The following DCUN1D4 variants were observed in gnomAD, a reference collection of about 807,000 sequenced individuals.
The protein encoded by DCUN1D4 is defective in cullin neddylation 1 domain containing 4.
DCUN1D4 carries 22 observed loss-of-function variants against 47.9 expected under a neutral mutation model. The ratio of observed to expected loss-of-function variants is 0.46; its 90% CI spans 0.33 to 0.66. DCUN1D4 has a LOEUF of 0.66. Among genes scored for constraint, DCUN1D4 ranks in the 30% least tolerant of loss-of-function variants. The pLI is 0.02. For synonymous variants in DCUN1D4, 121 were observed against 112.2 expected, an observed-to-expected ratio of 1.08 and a Z score of -0.50; for missense variants, 301 against 340.8, an observed-to-expected ratio of 0.88 and a Z score of 0.92.
intron 8 of DCUN1D4, among the ~76,000 whole-genome samples, chr4:51,904,315 G>T (rs1352461671): frequency 6.6e-6 from 1 of 152,066 alleles, no homozygotes; most frequent in African/African-American, 2.4e-5. Flanking sequence ...ACTGTCCCCA[G>T]CCCTGAATAA....
chr4:51,847,879 A>T (rs1203113783), intron 1 of DCUN1D4, among the ~76,000 whole-genome samples: 1 of 152,162 alleles, frequency 6.6e-6, no homozygotes, highest in Non-Finnish European at 1.5e-5. Flanking sequence ...GTTACATAAC[A>T]ATAGCTGCTT....
Position 51,846,388 on chromosome 4 carries a change from G to A in DCUN1D4, c.25+3121G>A, listed in dbSNP as rs370069002. Reference sequence around the variant, plus strand: ...AGAAGGCCTGCCTCATTTTCTCTTAGTGGACTTCACTCTCTTCTTCCTCTG... The same window carrying A: ...AGAAGGCCTGCCTCATTTTCTCTTAATGGACTTCACTCTCTTCTTCCTCTG... On this transcript the variant is annotated intron_variant, in intron 1 of 10. Coordinates refer to ENST00000334635, the MANE Select transcript of DCUN1D4 (RefSeq NM_001040402.3). Among the ~76,000 whole-genome samples, 6 of 152,170 alleles carry A rather than the reference G, an allele frequency of 3.9e-5. No homozygotes were observed. In the East Asian group the frequency reaches 1.2e-3, roughly 29 times the overall value.
intron 1 of DCUN1D4, among the ~76,000 whole-genome samples, chr4:51,848,911 C>T (rs1232615851): frequency 6.6e-6 from 1 of 151,984 alleles, no homozygotes; most frequent in Non-Finnish European, 1.5e-5. Context: ...AATAGCATTA[C>T]CTGTGGTATG....
At chr4:51,856,877 T>C (rs746979083) in intron 1 of DCUN1D4, among the ~76,000 whole-genome samples, 9 of 152,236 alleles carry the variant, frequency 5.9e-5, no homozygotes, top group Non-Finnish European at 1.2e-4. Flanking sequence ...AGATTCCTCT[T>C]TGGAAGCTGT....
upstream of DCUN1D4, among the ~76,000 whole-genome samples, chr4:51,842,681 G>T (rs766251634): frequency 9.9e-5 from 15 of 152,222 alleles, no homozygotes; most frequent in Non-Finnish European, 2.2e-4. Context: ...GCTAGGGACG[G>T]ACGCATTTCC....
rs577923247 is a variant in DCUN1D4 at position 51,913,666 on chromosome 4, C to T, written c.*82C>T. ...CCATAAATTGCTGTTTGTATCAAAG[C>T]GCATGCTGCTTCTCTTGCACTGTTT... On this transcript the variant is annotated 3_prime_UTR_variant, in exon 11 of 11. Transcript: ENST00000334635. The T allele has an allele frequency of 6.7e-5, 84 of 1,256,704 alleles. No individual in the cohort carries two copies. Among genetic ancestry groups the T allele is most frequent in the South Asian group, 3.7e-4 (29 of 79,266 alleles). The allele number at this position is 1,256,704 out of a possible 1,614,324, so 77.8% of individuals were successfully genotyped here.
At chr4:51,834,368 G>T in the DCUN1D4 span, among the ~76,000 whole-genome samples, 1 of 151,642 alleles carries the variant, frequency 6.6e-6, no homozygotes, top group Non-Finnish European at 1.5e-5. Flanking sequence ...GGGGGTGGTA[G>T]TTTGTGCTCC....
At chr4:51,834,896 A>C in the DCUN1D4 span, among the ~76,000 whole-genome samples, 1 of 152,210 alleles carries the variant, frequency 6.6e-6, no homozygotes, top group Admixed American at 6.5e-5. Context: ...ACTCTTACAT[A>C]TGCCAACTTG....
rs1577797630 is a variant in DCUN1D4, at chr4:51,843,625, C to T, written c.25+358C>T. 11 of 550,234 alleles carry T rather than the reference C, an allele frequency of 2.0e-5. No individual in the cohort carries two copies. The Admixed American group carries it at 8.4e-4, about 42-fold the overall frequency. The allele number at this position is 550,234 out of a possible 1,614,324, so 34.1% of individuals were successfully genotyped here. On this transcript the variant is annotated intron_variant, in intron 1 of 10. Coordinates refer to ENST00000334635, the MANE Select transcript of DCUN1D4 (RefSeq NM_001040402.3). Reference sequence around the variant, plus strand: ...AGCGTTGGGCTGTAGCGGGCAGGGCCGGGGATGTGGGGGGGTGGCACCGGC... The same window carrying T: ...AGCGTTGGGCTGTAGCGGGCAGGGCTGGGGATGTGGGGGGGTGGCACCGGC...
chr4:51,897,416 T>C (rs1020977271), intron 7 of DCUN1D4, among the ~76,000 whole-genome samples: 2 of 152,184 alleles, frequency 1.3e-5, no homozygotes, highest in South Asian at 2.1e-4. Flanking sequence ...ATACAAAATA[T>C]ATTGATAATA....
chr4:51,863,821 G>A (rs1725472476), intron 3 of DCUN1D4, 112 bp downstream of exon 3: 2 of 1,149,814 alleles, frequency 1.7e-6, no homozygotes, highest in Admixed American at 2.6e-5. Context: ...TTAACAAATT[G>A]TTCCTTGGCT....
At chr4:51,862,947 G>A (rs1190601785) in intron 1 of DCUN1D4, among the ~76,000 whole-genome samples, 3 of 152,142 alleles carry the variant, frequency 2.0e-5, no homozygotes, top group Admixed American at 6.5e-5. Flanking sequence ...GGAGTCTGAG[G>A]CTGCAGTGAA....
At chr4:51,861,092 G>T (rs906113153) in intron 1 of DCUN1D4, among the ~76,000 whole-genome samples, 3 of 152,148 alleles carry the variant, frequency 2.0e-5, no homozygotes, top group Admixed American at 2.0e-4. Flanking sequence ...ATTGTAATAG[G>T]TGTCTGATAA....
At chr4:51,872,627 A>G (rs2109967735) in intron 3 of DCUN1D4, among the ~76,000 whole-genome samples, 1 of 152,246 alleles carries the variant, frequency 6.6e-6, no homozygotes, top group East Asian at 1.9e-4. Flanking sequence ...TTCTTTTCCC[A>G]GGGCTCTGTC....
At chr4:51,868,095 C>T (rs1726260707) in intron 3 of DCUN1D4, among the ~76,000 whole-genome samples, 1 of 152,236 alleles carries the variant, frequency 6.6e-6, no homozygotes, top group African/African-American at 2.4e-5. Flanking sequence ...CTCAACTTTA[C>T]TCTGATAACG....
At chr4:51,855,311 T>C (rs531398315) in intron 1 of DCUN1D4, among the ~76,000 whole-genome samples, 1 of 152,318 alleles carries the variant, frequency 6.6e-6, no homozygotes, top group African/African-American at 2.4e-5. Context: ...GTGGTGATGT[T>C]TGCACAACTC....
intron 6 of DCUN1D4, chr4:51,887,171 G>A: frequency 2.3e-6 from 1 of 443,364 alleles, no homozygotes. Context: ...TATGATGTCG[G>A]CTCACTGCAA....
At chr4:51,847,625 G>GTT (rs554890242) in intron 1 of DCUN1D4, among the ~76,000 whole-genome samples, 4 of 139,252 alleles carry the variant, frequency 2.9e-5, no homozygotes, top group Non-Finnish European at 1.6e-5. Flanking sequence ...TTTCTTTTTT[G>GTT]TTTTTTTTTT....
chr4:51,845,073 GTGGAATAAA>G, intron 1 of DCUN1D4: 2 of 985,484 alleles, frequency 2.0e-6, no homozygotes, highest in Non-Finnish European at 2.4e-6. Flanking sequence ...GGCCTTACTT[GTGGAATAAA>G]TGCTTGGTCT....
Sources: gnomAD v4.1 joint callset for allele counts (sites outside exome capture counted in the v4.1 genomes callset) on GRCh38, gnomAD v4.1.1 for gene constraint, MANE v1.5 for transcripts, NCBI Gene and HGNC (gene_info 2026-07-23, HGNC 2026-07-21) for gene names.